The following FAM120A variants were observed in gnomAD, a reference collection of about 807,000 sequenced individuals.
FAM120A encodes family with sequence similarity 120 member A, also known as constitutive coactivator of PPAR-gamma-like protein 1.
FAM120A carries 15 observed loss-of-function variants against 109.7 expected under a neutral mutation model. The observed-to-expected ratio is 0.14, with a 90% CI of 0.09 to 0.21. The LOEUF (loss-of-function observed/expected upper bound fraction) is 0.21, where lower values mean the gene tolerates loss of function less well. FAM120A is among the 10% of genes least tolerant of loss of function. The pLI, the probability that FAM120A is intolerant of heterozygous loss-of-function variation, is 1.00. For missense variants in FAM120A, 899 were observed against 1,439.3 expected (o/e 0.62, Z 6.07); for synonymous variants, 493 against 572.8 (o/e 0.86, Z 1.99).
intron 1 of FAM120A, 75 bp from the exon 2 acceptor site, chr9:93,471,066 C>A (rs925743648): frequency 9.8e-6 from 15 of 1,523,056 alleles, no homozygotes; most frequent in Non-Finnish European, 1.3e-5. Flanking sequence ...AGCTTCTGTG[C>A]AAACATTTCT....
At chr9:93,457,801 C>T (rs895400130) in intron 1 of FAM120A, among the ~76,000 whole-genome samples, 1 of 132,964 alleles carries the variant, frequency 7.5e-6, no homozygotes, top group African/African-American at 2.5e-5. Flanking sequence ...TAAATCTCTT[C>T]CTTTTTTTTT....
At chr9:93,485,855 C>G (rs1859024081) in intron 3 of FAM120A, among the ~76,000 whole-genome samples, 1 of 152,146 alleles carries the variant, frequency 6.6e-6, no homozygotes, top group East Asian at 1.9e-4. Context: ...ATGGATTTGC[C>G]TATTCTGGAC....
chr9:93,527,767 C>T (rs976173692), intron 8 of FAM120A, among the ~76,000 whole-genome samples: 3 of 151,562 alleles, frequency 2.0e-5, no homozygotes, highest in South Asian at 4.2e-4. Context: ...AGATTATAGG[C>T]GTGCACTACC....
chr9:93,471,458 T>A, intron 2 of FAM120A, 71 bp downstream of exon 2: 1 of 1,569,852 alleles, frequency 6.4e-7, no homozygotes, highest in South Asian at 1.2e-5. Flanking sequence ...CTTTTAAGTG[T>A]TTCTGTGCTT....
intron 10 of FAM120A, among the ~76,000 whole-genome samples, chr9:93,537,590 T>A (rs1160051060): frequency 6.6e-6 from 1 of 152,200 alleles, no homozygotes; most frequent in African/African-American, 2.4e-5. Context: ...GGAGCAAGTT[T>A]ATAGGTGAGT....
chr9:93,527,613 A>ATTT (rs1588884193), intron 8 of FAM120A, among the ~76,000 whole-genome samples: 2 of 84,650 alleles, frequency 2.4e-5, no homozygotes, highest in African/African-American at 3.4e-5. Context: ...TTTTGTATTT[A>ATTT]ATTTTTTTTT....
intron 7 of FAM120A, among the ~76,000 whole-genome samples, chr9:93,522,477 A>G (rs1473889167): frequency 2.0e-5 from 3 of 152,186 alleles, no homozygotes; most frequent in Non-Finnish European, 4.4e-5. Context: ...TTACGTAACT[A>G]TGTATTCTTA....
At chr9:93,492,667 G>A (rs965272473) in intron 3 of FAM120A, among the ~76,000 whole-genome samples, 3 of 152,202 alleles carry the variant, frequency 2.0e-5, no homozygotes, top group African/African-American at 7.2e-5. Context: ...CCTGCGAAGT[G>A]GGGTGGTGGA....
In FAM120A at chr9:93,452,113, C is replaced by G; in HGVS notation, c.198C>G (p.Val66=). Residue 66 remains valine, a synonymous_variant, in exon 1 of 18, where the codon GTC becomes GTG. Transcript: ENST00000277165. This position sits in a 1 kb window ranked among gnomAD's most constrained non-coding sequence, Gnocchi z 7.0. ...ACGGCGGCTTCTACACCGACTGGGT[C>G]AGCGGCGGCCAGTGGAACCACATGC... The part of the protein sequence containing the change: ...RLYGGFYTDW[V]SGGQWNHMLG... 6.2e-7 allele frequency: 1 copy of G among 1,610,350 alleles called. No homozygotes were observed. Among genetic ancestry groups the G allele is most frequent in the Non-Finnish European group, 8.5e-7 (1 of 1,179,398 alleles).
chr9:93,459,116 T>G (rs1317915346), intron 1 of FAM120A, among the ~76,000 whole-genome samples: 1 of 152,230 alleles, frequency 6.6e-6, no homozygotes, highest in Non-Finnish European at 1.5e-5. Flanking sequence ...GCCAGCCTTC[T>G]TCATGGAATC....
At chr9:93,471,444 T>C in intron 2 of FAM120A, 57 bp downstream of exon 2, 1 of 1,594,096 alleles carries the variant, frequency 6.3e-7, no homozygotes, top group Admixed American at 1.7e-5. Flanking sequence ...ATAAGCACAT[T>C]GATCTTTTAA....
Position 93,498,846 on chromosome 9 carries a change from G to T in FAM120A, c.990G>T (p.Ala330=). 1 of 1,612,202 alleles carries T rather than the reference G, an allele frequency of 6.2e-7. No individual in the cohort carries two copies. Among genetic ancestry groups the T allele is most frequent in the South Asian group, 1.1e-5 (1 of 91,016 alleles). The change falls in exon 5 of 18, where the codon GCG becomes GCT. Residue 330 remains alanine (A), a synonymous_variant. Transcript: ENST00000277165. This position sits in a 1 kb window ranked among gnomAD's most constrained non-coding sequence, Gnocchi z 4.4. The stretch of plus-strand genomic sequence containing the variant: ...AGAGAGCAATTGGATATTATTCAGC[G>T]ACTAGTAAGCCTATGTCATTTCATC... The part of the protein sequence containing the change: ...RFKRAIGYYS[A]TSKPMSFHPP...
intron 9 of FAM120A, chr9:93,531,291 C>T (rs1325119787): frequency 6.6e-6 from 1 of 152,162 alleles, no homozygotes; most frequent in African/African-American, 2.4e-5. Context: ...ATGAAAGAAA[C>T]AGCAAATATT....
chr9:93,562,319 T>G lies in FAM120A; in HGVS notation c.3045+15T>G, dbSNP rs1263481808. 2 of 1,602,480 alleles carry G rather than the reference T, an allele frequency of 1.2e-6. No homozygotes were observed. Among genetic ancestry groups the G allele is most frequent in the South Asian group, 2.2e-5 (2 of 90,766 alleles). On this transcript the variant is annotated intron_variant, in intron 17 of 17. Coordinates refer to ENST00000277165, the MANE Select transcript of FAM120A (RefSeq NM_014612.5). Reference sequence around the variant, plus strand: ...CAGCAATTCAGGTAAGAAGACAACATGATGTTTGTGCCAGTTCAATGCCCT... The same window carrying G: ...CAGCAATTCAGGTAAGAAGACAACAGGATGTTTGTGCCAGTTCAATGCCCT...
At chr9:93,559,311 T>C (rs1417543181) in intron 15 of FAM120A, among the ~76,000 whole-genome samples, 1 of 152,260 alleles carries the variant, frequency 6.6e-6, no homozygotes, top group Non-Finnish European at 1.5e-5. Flanking sequence ...TGGAAGTCAG[T>C]GACCTGTATC....
intron 11 of FAM120A, among the ~76,000 whole-genome samples, chr9:93,548,082 C>T (rs1228720824): frequency 1.3e-5 from 2 of 151,850 alleles, no homozygotes; most frequent in Non-Finnish European, 2.9e-5. Flanking sequence ...AGTGTATCTG[C>T]AATACAGTCT....
At position 93,498,153 on chromosome 9, in the gene FAM120A, G is replaced by A. The variant is rs929682580; in HGVS notation, c.933+554G>A. On this transcript the variant is annotated intron_variant, in intron 4 of 17. Coordinates refer to ENST00000277165, the MANE Select transcript of FAM120A (RefSeq NM_014612.5). This position sits in a 1 kb window ranked among gnomAD's most constrained non-coding sequence, Gnocchi z 4.4. The stretch of plus-strand genomic sequence containing the variant: ...CTCATGCCTGTAATCCCAGTACTCT[G>A]GGAGGCCGAGGCGGGCGGATCACGA... Among the ~76,000 whole-genome samples the A allele has an allele frequency of 6.6e-6, 1 of 152,202 alleles. No homozygotes were observed. Among genetic ancestry groups the A allele is most frequent in the Admixed American group, 6.5e-5 (1 of 15,282 alleles).
At chr9:93,454,425 G>C (rs1164734744) in intron 1 of FAM120A, among the ~76,000 whole-genome samples, 6 of 151,708 alleles carry the variant, frequency 4.0e-5, no homozygotes, top group Non-Finnish European at 7.4e-5. Flanking sequence ...GGGGTTGGCG[G>C]GTGTAGGGGG....
In FAM120A at chr9:93,532,078, A is replaced by G; in HGVS notation, c.1735-77A>G. On this transcript the variant is annotated intron_variant, in intron 9 of 17. Transcript: ENST00000277165. This position sits in a 1 kb window ranked among gnomAD's most constrained non-coding sequence, Gnocchi z 4.3. ...TGCAATGTCATTAACTGGAGATAAT[A>G]CAGTATATTTCTGTGAGTGTATTGT... 1 of 1,306,256 alleles carries G rather than the reference A, an allele frequency of 7.7e-7. No individual in the cohort carries two copies. Among genetic ancestry groups the G allele is most frequent in the African/African-American group, 1.5e-5 (1 of 68,384 alleles). 80.9% of individuals were successfully genotyped at this position (1,306,256 alleles called of 1,614,324 possible).
Sources: gnomAD v4.1 joint callset for allele counts (sites outside exome capture counted in the v4.1 genomes callset) on GRCh38, gnomAD v4.1.1 for gene constraint, Gnocchi (gnomAD v3.1) non-coding constraint, MANE v1.5 for transcripts, NCBI Gene and HGNC (gene_info 2026-07-23, HGNC 2026-07-21) for gene names.